EYS: variants seen among roughly 807,000 people sequenced by gnomAD.
The protein encoded by EYS is protein eyes shut homolog.
Under a neutral mutation model 282.1 loss-of-function variants are expected in EYS, and 250 were observed. That is an observed-to-expected ratio of 0.89 (90% CI 0.80 to 0.98). The LOEUF (loss-of-function observed/expected upper bound fraction) is 0.98, where lower values mean the gene tolerates loss of function less well. Among genes scored for constraint, EYS ranks in the 50% least tolerant of loss-of-function variants. The pLI, the probability that EYS is intolerant of heterozygous loss-of-function variation, is 0.00. For missense variants in EYS, 4,016 were observed against 3,709.0 expected, an observed-to-expected ratio of 1.08 and a Z score of -2.15; for synonymous variants, 1,355 against 1,282.9, an observed-to-expected ratio of 1.06 and a Z score of -1.20.
chr6:64,538,397 A>G (rs1034899949), intron 26 of EYS, among the ~76,000 whole-genome samples: 1 of 152,244 alleles, frequency 6.6e-6, no homozygotes, highest in African/African-American at 2.4e-5. Context: ...GGAGCCAGAA[A>G]TAGGCAAATT....
intron 22 of EYS, among the ~76,000 whole-genome samples, chr6:64,673,358 T>C (rs1218835669): frequency 2.0e-5 from 3 of 152,136 alleles, no homozygotes; most frequent in Non-Finnish European, 2.9e-5. Flanking sequence ...AATTGAGTTA[T>C]GATAACACTA....
chr6:63,925,428 C>A (rs1258321345), intron 35 of EYS, among the ~76,000 whole-genome samples: 1 of 152,170 alleles, frequency 6.6e-6, no homozygotes, highest in Non-Finnish European at 1.5e-5. Flanking sequence ...AATTTGAACT[C>A]ATTTTACTGG....
chr6:64,495,766 G>A (rs1044617753), intron 26 of EYS, among the ~76,000 whole-genome samples: 2 of 151,714 alleles, frequency 1.3e-5, no homozygotes, highest in Non-Finnish European at 2.9e-5. Context: ...TGTATGCTAT[G>A]AATCACTAAT....
chr6:64,432,872 T>C (rs978614366), intron 28 of EYS, among the ~76,000 whole-genome samples: 8 of 152,190 alleles, frequency 5.3e-5, no homozygotes, highest in East Asian at 1.9e-4. Context: ...TGACTGTCCC[T>C]TTCATTAAAA....
chr6:63,964,344 T>G (rs1766208562), intron 35 of EYS, among the ~76,000 whole-genome samples: 1 of 152,318 alleles, frequency 6.6e-6, no homozygotes, highest in Middle Eastern at 3.4e-3. Flanking sequence ...AGCAATGGCA[T>G]TTTGCTTTCA....
chr6:63,747,787 T>C (rs907049422), intron 41 of EYS, among the ~76,000 whole-genome samples: 2 of 152,306 alleles, frequency 1.3e-5, no homozygotes, highest in South Asian at 2.1e-4. Context: ...TTATTTTTGC[T>C]TTCCATTTGC....
intron 30 of EYS, among the ~76,000 whole-genome samples, chr6:64,266,227 T>A (rs1003610232): frequency 6.6e-6 from 1 of 152,164 alleles, no homozygotes; most frequent in Non-Finnish European, 1.5e-5. Context: ...AAATACTCAA[T>A]TAATTTATTA....
At chr6:63,863,690 T>TTCTTTTCTTTTC (rs1772600406) in intron 36 of EYS, among the ~76,000 whole-genome samples, 1 of 132,620 alleles carries the variant, frequency 7.5e-6, no homozygotes, top group African/African-American at 2.8e-5. Context: ...TTTTTTTTTT[T>TTCTTTTCTTTTC]TTTGAGATGG....
intron 12 of EYS, among the ~76,000 whole-genome samples, chr6:65,075,679 A>G (rs1583460082): frequency 6.6e-6 from 1 of 152,090 alleles, no homozygotes; most frequent in South Asian, 2.1e-4. Context: ...TAGTTCCTGC[A>G]TCTATGGTAA....
intron 26 of EYS, among the ~76,000 whole-genome samples, chr6:64,553,845 A>T (rs1437634313): frequency 6.6e-6 from 1 of 152,058 alleles, no homozygotes; most frequent in South Asian, 2.1e-4. Flanking sequence ...AAATAGTATC[A>T]TTTTCATATT....
At chr6:64,167,329 T>C (rs1352601322) in intron 31 of EYS, among the ~76,000 whole-genome samples, 1 of 152,170 alleles carries the variant, frequency 6.6e-6, no homozygotes, top group Non-Finnish European at 1.5e-5. Flanking sequence ...TGTCAGACAA[T>C]AAGGATTGTG....
At chr6:65,604,288 T>G (rs951576691) in intron 2 of EYS, among the ~76,000 whole-genome samples, 8 of 151,960 alleles carry the variant, frequency 5.3e-5, no homozygotes, top group Non-Finnish European at 1.0e-4. Flanking sequence ...TCATTCAACT[T>G]CCGATCACAT....
At chr6:65,600,757 GTTTCTAAAAT>G (rs2149789911) in intron 2 of EYS, among the ~76,000 whole-genome samples, 1 of 151,676 alleles carries the variant, frequency 6.6e-6, no homozygotes, top group Non-Finnish European at 1.5e-5. Context: ...CATGAAATTT[GTTTCTAAAAT>G]ATGACTTTGA....
chr6:65,080,437 A>G (rs910289004), intron 12 of EYS, among the ~76,000 whole-genome samples: 2 of 152,136 alleles, frequency 1.3e-5, no homozygotes, highest in African/African-American at 2.4e-5. Context: ...TTCTATTTTT[A>G]TCAGATAAGA....
intron 8 of EYS, among the ~76,000 whole-genome samples, chr6:65,363,415 T>A (rs1377196027): frequency 2.0e-5 from 3 of 151,976 alleles, no homozygotes; most frequent in African/African-American, 7.2e-5. Flanking sequence ...ATAACCAACA[T>A]TGACTCTACT....
At chr6:65,038,182 T>C (rs1044780391) in intron 13 of EYS, among the ~76,000 whole-genome samples, 5 of 151,632 alleles carry the variant, frequency 3.3e-5, no homozygotes, top group African/African-American at 9.7e-5. Context: ...GTAGATTAGA[T>C]GGGTTTTAAA....
At chr6:63,933,695 C>T (rs572436910) in intron 35 of EYS, among the ~76,000 whole-genome samples, 9 of 152,216 alleles carry the variant, frequency 5.9e-5, no homozygotes, top group South Asian at 2.1e-4. Flanking sequence ...CTAGTGGCTC[C>T]GAGCCACCAG....
At chr6:64,627,369 A>C (rs995786190) in intron 22 of EYS, among the ~76,000 whole-genome samples, 13 of 152,194 alleles carry the variant, frequency 8.5e-5, no homozygotes, top group Non-Finnish European at 1.6e-4. Context: ...AATTGCAAGT[A>C]GTTTTGAAGG....
rs144023310 is a variant in EYS at position 64,525,311 on chromosome 6, G to T, written c.5644+64912C>A. On this transcript the variant is annotated intron_variant, in intron 26 of 42. Coordinates refer to ENST00000503581, the MANE Select transcript of EYS (RefSeq NM_001142800.2). ...ATGACAGACCGGATAAAGAATACATGGTACATATACACAATGGAATACCAT... is the reference window on the plus strand; with the variant it reads ...ATGACAGACCGGATAAAGAATACATTGTACATATACACAATGGAATACCAT... Among the ~76,000 whole-genome samples, 82 of 151,756 alleles carry T rather than the reference G, an allele frequency of 5.4e-4. No individual in the cohort carries two copies. In the South Asian group the frequency reaches 9.3e-3, roughly 17 times the overall value.
Sources: allele counts gnomAD v4.1 joint callset (sites outside exome capture counted in the v4.1 genomes callset), GRCh38; gene constraint gnomAD v4.1.1; transcripts MANE v1.5; gene names NCBI Gene and HGNC (gene_info 2026-07-23, HGNC 2026-07-21).